Variants in GAS2L3 observed in about 807,000 individuals in gnomAD.
The protein encoded by GAS2L3 is growth arrest specific 2 like 3.
GAS2L3 carries 28 observed loss-of-function variants against 37.0 expected under a neutral mutation model. The observed-to-expected ratio is 0.76, with a 90% CI of 0.56 to 1.04. The LOEUF is 1.04. GAS2L3 is among the 50% of genes least tolerant of loss of function. GAS2L3 has a pLI of 0.00. For synonymous variants in GAS2L3, 290 were observed against 296.6 expected, an observed-to-expected ratio of 0.98 and a Z score of 0.23; for missense variants, 793 against 817.6, an observed-to-expected ratio of 0.97 and a Z score of 0.37.
intron 5 of GAS2L3, among the ~76,000 whole-genome samples, chr12:100,608,528 T>A (rs1445115759): frequency 6.6e-6 from 1 of 152,010 alleles, no homozygotes; most frequent in African/African-American, 2.4e-5. Flanking sequence ...GAGATTGAAG[T>A]CTTTTTTTTT....
At chr12:100,579,214 T>C (rs971118073) in intron 1 of GAS2L3, 11 of 619,240 alleles carry the variant, frequency 1.8e-5, no homozygotes, top group Non-Finnish European at 3.3e-5. Context: ...ATCCCCTTTC[T>C]GGATTTGCTA....
intron 2 of GAS2L3, among the ~76,000 whole-genome samples, chr12:100,594,339 T>C (rs1165888403): frequency 6.6e-6 from 1 of 152,056 alleles, no homozygotes; most frequent in Non-Finnish European, 1.5e-5. Context: ...TTTGGGAAAT[T>C]ATTATGGGGA....
chr12:100,600,617 T>G (rs995174230), intron 4 of GAS2L3, 67 bp downstream of exon 4: 2 of 1,272,182 alleles, frequency 1.6e-6, no homozygotes, highest in African/African-American at 2.9e-5. Flanking sequence ...AGAGCCTTAC[T>G]CTTTGTCAAG....
At chr12:100,593,283 C>T (rs1342659257) in intron 2 of GAS2L3, among the ~76,000 whole-genome samples, 1 of 152,048 alleles carries the variant, frequency 6.6e-6, no homozygotes, top group Non-Finnish European at 1.5e-5. Flanking sequence ...TCTCTGCATA[C>T]TATTTTTTAA....
intron 1 of GAS2L3, among the ~76,000 whole-genome samples, chr12:100,581,574 A>G (rs1955712765): frequency 6.6e-6 from 1 of 152,264 alleles, no homozygotes; most frequent in Non-Finnish European, 1.5e-5. Context: ...GTACTGATAT[A>G]AAAAGAAATA....
Position 100,624,203 on chromosome 12 carries a change from A to G in GAS2L3, c.1398A>G (p.Ser466=), listed in dbSNP as rs1259397189. 3 of 1,614,100 alleles carry G rather than the reference A, an allele frequency of 1.9e-6. 1 individual carries two copies. In the South Asian group the frequency reaches 3.3e-5, roughly 18 times the overall value. The change falls in exon 10 of 10, where the codon TCA becomes TCG. Residue 466 remains serine, a synonymous_variant. Transcript: ENST00000547754. ...PESTLLPNKC[S]GKTQPKYLKH... is the part of the protein sequence containing the mutation. ...CCACACTTTTGCCAAATAAGTGTTC[A>G]GGAAAAACTCAACCTAAGTATTTGA...
chr12:100,619,239 C>T (rs1956224754), intron 8 of GAS2L3, among the ~76,000 whole-genome samples: 1 of 151,456 alleles, frequency 6.6e-6, no homozygotes, highest in South Asian at 2.1e-4. Context: ...TATATCCAAA[C>T]TTGTTAGATG....
intron 1 of GAS2L3, among the ~76,000 whole-genome samples, chr12:100,587,737 C>G (rs959963988): frequency 6.6e-6 from 1 of 152,156 alleles, no homozygotes; most frequent in African/African-American, 2.4e-5. Context: ...CTAGCCAGAG[C>G]AGTGAGAAAA....
intron 1 of GAS2L3, chr12:100,579,525 G>A: frequency 1.3e-6 from 1 of 773,548 alleles, no homozygotes; most frequent in South Asian, 1.3e-5. Flanking sequence ...TTTCATAATT[G>A]GAGGAGAGGG....
At chr12:100,597,218 C>T (rs1388374248) in intron 3 of GAS2L3, among the ~76,000 whole-genome samples, 1 of 151,826 alleles carries the variant, frequency 6.6e-6, no homozygotes. Context: ...TTTTTCAGCT[C>T]AACCAGATGG....
chr12:100,605,319 T>G (rs575057031), intron 5 of GAS2L3, among the ~76,000 whole-genome samples: 226 of 152,014 alleles, frequency 1.5e-3, no homozygotes, highest in African/African-American at 5.4e-3. Flanking sequence ...AGTATGATCC[T>G]TTAAATTTCT....
At chr12:100,593,341 T>C (rs932233997) in intron 2 of GAS2L3, among the ~76,000 whole-genome samples, 2 of 152,184 alleles carry the variant, frequency 1.3e-5, no homozygotes, top group African/African-American at 4.8e-5. Context: ...TTTTGTCATC[T>C]TAAAAGTAGT....
At chr12:100,606,762 AT>A (rs1956062117) in intron 5 of GAS2L3, among the ~76,000 whole-genome samples, 1 of 152,092 alleles carries the variant, frequency 6.6e-6, no homozygotes, top group African/African-American at 2.4e-5. Flanking sequence ...AAGAAAACTA[AT>A]AAAAACTCTA....
chr12:100,621,014 G>T (rs1012389049), intron 8 of GAS2L3, among the ~76,000 whole-genome samples: 1 of 152,050 alleles, frequency 6.6e-6, no homozygotes, highest in African/African-American at 2.4e-5. Flanking sequence ...ACGTTATTTT[G>T]TTAAATAAAT....
rs766613042 is a variant in GAS2L3, at chr12:100,624,807, G to T, written c.2002G>T (p.Gly668Ter). Residue 668 changes from glycine to a stop codon, truncating the protein, a stop_gained, in exon 10 of 10, where the codon GGA becomes TGA. Coordinates refer to ENST00000547754, the MANE Select transcript of GAS2L3 (RefSeq NM_174942.3). LOFTEE classifies it high-confidence loss of function. ...CTCATCTGTTAAGGATGCAGATAGT[G>T]GAGATAAAAAACCTACTGCAAAGAA... ...PPSSVKDADSGDKKPTAKKKE... is the reference protein window; with the variant it reads ...PPSSVKDADS 1.2e-6 allele frequency: 2 copies of T among 1,613,576 alleles called. No homozygotes were observed. Among genetic ancestry groups the T allele is most frequent in the Non-Finnish European group, 1.7e-6 (2 of 1,179,854 alleles).
chr12:100,608,011 T>C (rs1956077742), intron 5 of GAS2L3, among the ~76,000 whole-genome samples: 1 of 152,128 alleles, frequency 6.6e-6, no homozygotes, highest in African/African-American at 2.4e-5. Flanking sequence ...GCATTTATTG[T>C]AGTCTTTGCA....
chr12:100,596,258 C>T (rs1955910623), intron 3 of GAS2L3, among the ~76,000 whole-genome samples: 1 of 152,022 alleles, frequency 6.6e-6, no homozygotes, highest in Non-Finnish European at 1.5e-5. Flanking sequence ...TCTATTCATC[C>T]CCTTTTTATC....
intron 6 of GAS2L3, among the ~76,000 whole-genome samples, chr12:100,612,765 C>A (rs1436200899): frequency 6.6e-6 from 1 of 152,146 alleles, no homozygotes; most frequent in African/African-American, 2.4e-5. Flanking sequence ...CACCCCACCC[C>A]CACACATTGA....
chr12:100,589,822 G>T (rs890017031), intron 1 of GAS2L3, among the ~76,000 whole-genome samples: 1 of 152,126 alleles, frequency 6.6e-6, no homozygotes, highest in African/African-American at 2.4e-5. Context: ...ATAAAGTGGG[G>T]GAAAGGACAC....
Sources: allele counts gnomAD v4.1 joint callset (sites outside exome capture counted in the v4.1 genomes callset), GRCh38; gene constraint gnomAD v4.1.1; transcripts MANE v1.5; gene names NCBI Gene and HGNC (gene_info 2026-07-23, HGNC 2026-07-21).